The following DOCK5 variants were observed in gnomAD, a reference collection of about 807,000 sequenced individuals.
The protein encoded by DOCK5 is dedicator of cytokinesis 5, also known as dedicator of cytokinesis protein 5.
A neutral mutation model predicts 251.8 loss-of-function variants in DOCK5; 142 were observed. The observed-to-expected ratio is 0.56, with a 90% CI of 0.49 to 0.65. DOCK5 has a LOEUF of 0.65. Among genes scored for constraint, DOCK5 ranks in the 30% least tolerant of loss-of-function variants. The probability of loss-of-function intolerance (pLI) is 0.00; values close to 1 mark genes in which losing one functional copy is unlikely to be tolerated. For missense variants in DOCK5, 2,111 were observed against 2,312.3 expected (o/e 0.91, Z 1.79); for synonymous variants, 842 against 835.5 (o/e 1.01, Z -0.13).
Position 25,408,909 on chromosome 8 carries a change from T to G in DOCK5, c.5373T>G (p.Pro1791=), listed in dbSNP as rs1335495666. The G allele has an allele frequency of 1.2e-6, 2 of 1,613,968 alleles. No homozygotes were observed. Among genetic ancestry groups the G allele is most frequent in the Non-Finnish European group, 1.7e-6 (2 of 1,179,876 alleles). ...CTCAGTCAACACCCTTGAGCCCACC[T>G]CCACTCACTCCCAAAGCCACCAGGA... is the stretch of plus-strand genomic sequence containing the variant. ...SPPQSTPLSP[P]PLTPKATRTL... Residue 1791 remains proline, a synonymous_variant, in exon 50 of 52, where the codon CCT becomes CCG. Coordinates refer to ENST00000276440, the MANE Select transcript of DOCK5 (RefSeq NM_024940.8).
chr8:25,399,289 C>T (rs1801397441), intron 45 of DOCK5, among the ~76,000 whole-genome samples: 2 of 152,148 alleles, frequency 1.3e-5, no homozygotes, highest in South Asian at 4.1e-4. Context: ...TGAGTGTTTA[C>T]TGATGAGCCT....
intron 28 of DOCK5, among the ~76,000 whole-genome samples, chr8:25,359,734 C>T (rs1800642913): frequency 1.3e-5 from 2 of 152,216 alleles, no homozygotes; most frequent in Non-Finnish European, 2.9e-5. Flanking sequence ...ATTCCTGCCC[C>T]CATCCGTGGA....
At chr8:25,384,463 ATTTTTTT>A (rs201096966) in intron 40 of DOCK5, among the ~76,000 whole-genome samples, 2,101 of 135,650 alleles carry the variant, frequency 0.015, 47 homozygotes, top group African/African-American at 0.042. Context: ...TTATTTATTT[ATTTTTTT>A]TTTTTTTGAG....
At chr8:25,187,948 G>T (rs535571567) in intron 1 of DOCK5, among the ~76,000 whole-genome samples, 4 of 152,064 alleles carry the variant, frequency 2.6e-5, no homozygotes, top group Non-Finnish European at 5.9e-5. Flanking sequence ...CTTCTTCCTC[G>T]CAGTTCCTGG....
At chr8:25,400,850 A>C in intron 46 of DOCK5, 79 bp from the exon 47 acceptor site, 8 of 1,492,456 alleles carry the variant, frequency 5.4e-6, no homozygotes, top group Non-Finnish European at 7.4e-6. Context: ...TTTCCACCCC[A>C]TCCCTCCCTT....
chr8:25,202,329 T>A (rs915109869), intron 1 of DOCK5, among the ~76,000 whole-genome samples: 4 of 152,188 alleles, frequency 2.6e-5, no homozygotes, highest in Non-Finnish European at 5.9e-5. Context: ...TGGAAAATAT[T>A]TGAATTCCCA....
chr8:25,223,172 A>C (rs1386276846), intron 1 of DOCK5, among the ~76,000 whole-genome samples: 2 of 152,106 alleles, frequency 1.3e-5, no homozygotes, highest in African/African-American at 2.4e-5. Flanking sequence ...AAATTTTTGA[A>C]ATCTTATTTT....
intron 13 of DOCK5, among the ~76,000 whole-genome samples, chr8:25,311,735 A>G (rs1805102294): frequency 1.3e-5 from 2 of 151,460 alleles, no homozygotes; most frequent in South Asian, 4.2e-4. Flanking sequence ...CAGCCTGACC[A>G]ACGTGGTGAA....
At chr8:25,283,554 C>T (rs1436092774) in intron 5 of DOCK5, among the ~76,000 whole-genome samples, 1 of 152,190 alleles carries the variant, frequency 6.6e-6, no homozygotes, top group Non-Finnish European at 1.5e-5. Context: ...GGAGCATGTG[C>T]TTTTGATGTT....
intron 22 of DOCK5, 58 bp downstream of exon 22, chr8:25,336,431 T>C (rs1805807758): frequency 6.3e-7 from 1 of 1,594,362 alleles, no homozygotes; most frequent in African/African-American, 1.3e-5. Context: ...GTGTGCTTTT[T>C]CCCTCACTCT....
At chr8:25,341,117 G>A (rs1183384490) in intron 23 of DOCK5, 129 bp downstream of exon 23, 2 of 604,152 alleles carry the variant, frequency 3.3e-6, no homozygotes, top group African/African-American at 1.9e-5. Flanking sequence ...ATGAATTTTA[G>A]TATGATTTAC....
intron 5 of DOCK5, among the ~76,000 whole-genome samples, chr8:25,288,682 CAAG>C (rs1306591662): frequency 6.6e-6 from 1 of 152,150 alleles, no homozygotes; most frequent in Non-Finnish European, 1.5e-5. Context: ...AGAAAGAAAA[CAAG>C]AGTCTCTTTC....
chr8:25,281,798 G>A (rs1308491639), intron 5 of DOCK5, among the ~76,000 whole-genome samples: 2 of 148,662 alleles, frequency 1.3e-5, no homozygotes, highest in African/African-American at 2.5e-5. Flanking sequence ...AGAATCACTT[G>A]AACCCGAGAG....
At chr8:25,310,558 T>C (rs1805061998) in intron 13 of DOCK5, 26 bp downstream of exon 13, 1 of 1,586,412 alleles carries the variant, frequency 6.3e-7, no homozygotes, top group African/African-American at 1.4e-5. Flanking sequence ...GGCTCACCTG[T>C]TTGCTTCCTC....
In DOCK5 at chr8:25,368,316, C is replaced by CT. The variant is rs1045007297; in HGVS notation, c.3283+74dup. ...AGTGATAAGCATCCCACGATAAAGT[C>CT]TTTTTTTTATTTTAATCCAGATAAC... On this transcript the variant is annotated intron_variant, in intron 32 of 51. Coordinates refer to ENST00000276440, the MANE Select transcript of DOCK5 (RefSeq NM_024940.8). 88 of 1,431,552 alleles carry CT rather than the reference C, an allele frequency of 6.1e-5. 1 individual carries two copies. Among genetic ancestry groups the CT allele is most frequent in the Admixed American group, 2.4e-4 (11 of 45,674 alleles). 88.7% of individuals were successfully genotyped at this position (1,431,552 alleles called of 1,614,324 possible). A position where few individuals can be genotyped will look rare whatever the true frequency, so the allele number is the denominator to read the frequency against.
Position 25,334,157 on chromosome 8 carries a change from C to T in DOCK5, c.2153C>T (p.Thr718Ile). ...KFQHFNPVLE[T>I]YIYKHFSATL... is the part of the protein sequence containing the mutation. The stretch of plus-strand genomic sequence containing the variant: ...CAGCATTTTAATCCTGTACTTGAAA[C>T]CTACATTTACAAGCACTTCAGCGCC... Residue 718 changes from threonine (T) to isoleucine (I), a missense_variant, in exon 21 of 52, where the codon ACC (threonine) becomes ATC (isoleucine). By Grantham distance (89) the Thr-to-Ile change is moderately conservative. This residue lies in a region of DOCK5 where 1,717 missense variants were observed against 1,892.4 expected (regional missense o/e 0.91). Transcript: ENST00000276440. 3.1e-6 allele frequency: 5 copies of T among 1,613,904 alleles called. No individual in the cohort carries two copies. Among genetic ancestry groups the T allele is most frequent in the Non-Finnish European group, 4.2e-6 (5 of 1,179,828 alleles).
intron 2 of DOCK5, among the ~76,000 whole-genome samples, chr8:25,259,554 C>T (rs142795804): frequency 6.8e-4 from 103 of 152,298 alleles, no homozygotes; most frequent in Middle Eastern, 3.4e-3. Flanking sequence ...TTCCTGAGCT[C>T]AAGTGATCCT....
intron 1 of DOCK5, among the ~76,000 whole-genome samples, chr8:25,205,421 A>C (rs1801979789): frequency 6.6e-6 from 1 of 152,200 alleles, no homozygotes; most frequent in Non-Finnish European, 1.5e-5. Context: ...GTTAGAAAAC[A>C]CATTTCTGTT....
At position 25,395,654 on chromosome 8, in the gene DOCK5, C is replaced by T; in HGVS notation, c.4639C>T (p.Leu1547Phe). 3.7e-6 allele frequency: 6 copies of T among 1,613,776 alleles called. No homozygotes were observed. Among genetic ancestry groups the T allele is most frequent in the African/African-American group, 1.3e-5 (1 of 74,976 alleles). Residue 1547 changes from leucine (L) to phenylalanine (F), a missense_variant, in exon 45 of 52, where the codon CTC becomes TTC. Leu to Phe is a conservative substitution (Grantham distance 22). Around this residue, in one of 3 missense-constraint regions of DOCK5, gnomAD observed 1,717 missense variants for 1,892.4 expected, o/e 0.91. Transcript: ENST00000276440. ...AWDRSLSVHP[L>F]SMLLSGIVDP... ...GGACCGGTCCCTCTCTGTGCACCCT[C>T]TCTCCATGCTGCTCAGTGGCATCGT...
Sources: allele counts gnomAD v4.1 joint callset (sites outside exome capture counted in the v4.1 genomes callset), GRCh38; gene constraint gnomAD v4.1.1; regional missense constraint gnomAD v4.1.1; transcripts MANE v1.5; gene names NCBI Gene and HGNC (gene_info 2026-07-23, HGNC 2026-07-21).